Variants in CR1L observed in about 807,000 individuals in gnomAD.
CR1L encodes complement C3b/C4b receptor 1 like, also known as complement component receptor 1-like protein.
In CR1L, 59 loss-of-function variants were observed where a neutral mutation model predicts 62.3. The observed-to-expected ratio is 0.95, with a 90% CI of 0.77 to 1.18. The LOEUF is 1.18. Among genes scored for constraint, CR1L ranks in the 50% most tolerant of loss-of-function variants. CR1L has a pLI of 0.00. For missense variants in CR1L, 700 were observed against 702.8 expected (o/e 1.00, Z 0.04); for synonymous variants, 279 against 248.7 (o/e 1.12, Z -1.15).
At chr1:207,670,040 G>C (rs1663586532) in intron 1 of CR1L, among the ~76,000 whole-genome samples, 1 of 151,002 alleles carries the variant, frequency 6.6e-6, no homozygotes, top group Non-Finnish European at 1.5e-5. Flanking sequence ...CTGCATTGTG[G>C]AGTTGCTGCC....
intron 3 of CR1L, among the ~76,000 whole-genome samples, chr1:207,683,042 C>G (rs1167327434): frequency 1.6e-5 from 2 of 124,834 alleles, no homozygotes; most frequent in East Asian, 3.2e-4. Context: ...TTCCTTCCTT[C>G]CCTCCTTCCT....
chr1:207,700,484 A>C (rs1664173832), intron 8 of CR1L, among the ~76,000 whole-genome samples: 1 of 152,250 alleles, frequency 6.6e-6, no homozygotes, highest in African/African-American at 2.4e-5. Context: ...ACAAATCAGT[A>C]GATGCTAGAA....
intron 1 of CR1L, among the ~76,000 whole-genome samples, chr1:207,645,672 T>C (rs1571637424): frequency 1.3e-5 from 2 of 152,158 alleles, no homozygotes; most frequent in Admixed American, 6.5e-5. Context: ...TGCTCTGGAG[T>C]GCACAGGTGC....
rs531542690 is a variant in CR1L at position 207,657,193 on chromosome 1, G to A, written c.97+11863G>A. On this transcript the variant is annotated intron_variant, in intron 1 of 11. Transcript: ENST00000508064. Reference sequence around the variant, plus strand: ...CCTTTAGTGAAGTAGAAGTATTTGAGTATCTTAATGCAGTAACTGATAGTT... The same window carrying A: ...CCTTTAGTGAAGTAGAAGTATTTGAATATCTTAATGCAGTAACTGATAGTT... 2.6e-5 allele frequency: 29 copies of A among 1,106,904 alleles called. 1 individual carries two copies. The East Asian group carries it at 3.1e-4, about 12-fold the overall frequency. The allele number at this position is 1,106,904 out of a possible 1,614,324, so 68.6% of individuals were successfully genotyped here.
intron 9 of CR1L, chr1:207,701,844 C>T: frequency 2.8e-6 from 2 of 721,586 alleles, no homozygotes; most frequent in Non-Finnish European, 5.0e-6. Flanking sequence ...ATGCCGTTCA[C>T]TGGATGGGAA....
intron 1 of CR1L, among the ~76,000 whole-genome samples, chr1:207,667,920 G>A (rs1288120750): frequency 6.6e-6 from 1 of 151,070 alleles, no homozygotes; most frequent in Non-Finnish European, 1.5e-5. Context: ...AAAACAAAAT[G>A]CTCAACATTC....
At chr1:207,697,975 G>GACACAC (rs368602585) in intron 7 of CR1L, 102 bp downstream of exon 7, 58,401 of 1,268,082 alleles carry the variant, frequency 0.046, 732 homozygotes, top group South Asian at 0.097. Flanking sequence ...CAGACAGACA[G>GACACAC]ACACACACAC....
chr1:207,721,842 C>T (rs1654142350), intron 11 of CR1L, among the ~76,000 whole-genome samples: 1 of 141,294 alleles, frequency 7.1e-6, no homozygotes, highest in Non-Finnish European at 1.5e-5. Context: ...TCCACATCCT[C>T]TCCAGCACCT....
chr1:207,697,555 G>C lies in CR1L; in HGVS notation c.915G>C (p.Lys305Asn). Residue 305 changes from lysine (K) to asparagine (N), a missense_variant, in exon 6 of 12, where the codon AAG (lysine) becomes AAC (asparagine). Transcript: ENST00000508064. ...VLHAERTQRDKDNFSPGQEVF... is the reference protein window; with the variant it reads ...VLHAERTQRDNDNFSPGQEVF... ...ATGCTGAGCGTACCCAAAGGGACAA[G>C]GACAACTTTTCACCCGGGCAGGAAG... The C allele has an allele frequency of 1.2e-6, 2 of 1,613,814 alleles. No individual in the cohort carries two copies. The highest frequency in any genetic ancestry group is 1.7e-4 in the Middle Eastern group (1 of 6,058).
chr1:207,671,738 A>G (rs1663617990), intron 1 of CR1L, among the ~76,000 whole-genome samples: 1 of 150,686 alleles, frequency 6.6e-6, no homozygotes, highest in South Asian at 2.1e-4. Flanking sequence ...CCTGGCCAAC[A>G]TGGTGAATAC....
At chr1:207,651,997 A>G (rs1663230632) in intron 1 of CR1L, among the ~76,000 whole-genome samples, 1 of 152,252 alleles carries the variant, frequency 6.6e-6, no homozygotes, top group Non-Finnish European at 1.5e-5. Flanking sequence ...TATGAAATCC[A>G]CTACATTTAC....
At chr1:207,645,393 G>T in intron 1 of CR1L, 63 bp downstream of exon 1, 1 of 1,569,994 alleles carries the variant, frequency 6.4e-7, no homozygotes, top group Non-Finnish European at 8.8e-7. Context: ...AGTCAGTCGG[G>T]CAGGAGGCGC....
chr1:207,707,019 ACT>A (rs1179614636), intron 9 of CR1L, among the ~76,000 whole-genome samples: 2 of 152,220 alleles, frequency 1.3e-5, no homozygotes, highest in Non-Finnish European at 2.9e-5. Flanking sequence ...ACAGAATTTG[ACT>A]CTGAAATTGA....
chr1:207,692,922 A>G (rs967899617), intron 4 of CR1L, among the ~76,000 whole-genome samples: 29 of 152,110 alleles, frequency 1.9e-4, no homozygotes, highest in Non-Finnish European at 3.4e-4. Context: ...TTGCAATTCT[A>G]TCAATCCTAT....
chr1:207,647,979 G>A (rs1257850094), intron 1 of CR1L, among the ~76,000 whole-genome samples: 2 of 152,110 alleles, frequency 1.3e-5, no homozygotes, highest in Non-Finnish European at 2.9e-5. Context: ...GCATCATAAG[G>A]AGAGCCCACC....
At chr1:207,656,702 T>C (rs566848374) in intron 1 of CR1L, among the ~76,000 whole-genome samples, 1 of 152,106 alleles carries the variant, frequency 6.6e-6, no homozygotes, top group Admixed American at 6.5e-5. Context: ...CGGGAGGTGT[T>C]GCGCACTTTT....
chr1:207,695,295 T>A (rs1466457513), intron 5 of CR1L, among the ~76,000 whole-genome samples: 3 of 152,000 alleles, frequency 2.0e-5, no homozygotes. Flanking sequence ...CTGGTTAAAT[T>A]TTTTATATTT....
At chr1:207,710,344 A>G (rs1664333826) in intron 10 of CR1L, 6 of 1,218,020 alleles carry the variant, frequency 4.9e-6, no homozygotes, top group Non-Finnish European at 6.0e-6. Context: ...CTCTGTCCCA[A>G]GGTTTTGTTT....
At chr1:207,697,748 T>G in intron 6 of CR1L, 23 bp from the exon 7 acceptor site, 1 of 1,614,056 alleles carries the variant, frequency 6.2e-7, no homozygotes, top group Non-Finnish European at 8.5e-7. Flanking sequence ...CAGTTATTTC[T>G]GTTCGTTTTT....
Sources: allele counts gnomAD v4.1 joint callset (sites outside exome capture counted in the v4.1 genomes callset), GRCh38; gene constraint gnomAD v4.1.1; transcripts MANE v1.5; gene names NCBI Gene and HGNC (gene_info 2026-07-23, HGNC 2026-07-21).